Variants in CSTPP1 observed in about 807,000 individuals in gnomAD.
The protein encoded by CSTPP1 is centriolar satellite-associated tubulin polyglutamylase complex regulator 1.
chr11:46,970,413 T>C, the CSTPP1 span, among the ~76,000 whole-genome samples: 1 of 150,416 alleles, frequency 6.6e-6, no homozygotes, highest in Non-Finnish European at 1.5e-5. Flanking sequence ...AATAAATAAA[T>C]AAATAAATAA....
chr11:47,015,316 AT>A, the CSTPP1 span, among the ~76,000 whole-genome samples: 4 of 151,710 alleles, frequency 2.6e-5, no homozygotes, highest in African/African-American at 9.7e-5. Context: ...AAAAAAAAAA[AT>A]ACAAAAATTA....
At chr11:46,997,713 T>C in the CSTPP1 span, among the ~76,000 whole-genome samples, 1 of 152,234 alleles carries the variant, frequency 6.6e-6, no homozygotes, top group Non-Finnish European at 1.5e-5. Context: ...TGGTCTTTGA[T>C]GATGGTGACG....
At chr11:47,063,397 T>G in the CSTPP1 span, among the ~76,000 whole-genome samples, 2 of 152,276 alleles carry the variant, frequency 1.3e-5, no homozygotes, top group Admixed American at 1.3e-4. Context: ...ACATTCACAG[T>G]GTTGTGCAAC....
At chr11:47,146,801 T>C in the CSTPP1 span, among the ~76,000 whole-genome samples, 3 of 152,232 alleles carry the variant, frequency 2.0e-5, no homozygotes, top group Admixed American at 2.0e-4. Context: ...GAATAAAGTG[T>C]GGCATATTCA....
the CSTPP1 span, among the ~76,000 whole-genome samples, chr11:47,016,289 C>T: frequency 2.0e-3 from 305 of 151,578 alleles, no homozygotes; most frequent in African/African-American, 7.2e-3. Flanking sequence ...TCAACATTGT[C>T]CTGGAGGTTC....
the CSTPP1 span, among the ~76,000 whole-genome samples, chr11:47,040,146 G>C: frequency 7.8e-6 from 1 of 128,066 alleles, no homozygotes; most frequent in African/African-American, 2.5e-5. Flanking sequence ...AGTGCCCCCA[G>C]ATGTGATGCA....
At chr11:47,161,314 G>A in the CSTPP1 span, 1 of 1,592,828 alleles carries the variant, frequency 6.3e-7, no homozygotes, top group South Asian at 1.1e-5. Context: ...GAAGGGTCTG[G>A]GGGCCAGTGG....
At chr11:47,119,714 C>G in the CSTPP1 span, among the ~76,000 whole-genome samples, 2 of 143,956 alleles carry the variant, frequency 1.4e-5, no homozygotes, top group East Asian at 4.1e-4. Context: ...CGGGTTCAAG[C>G]AATTCTCCTG....
chr11:47,115,822 T>G, the CSTPP1 span, among the ~76,000 whole-genome samples: 2 of 152,134 alleles, frequency 1.3e-5, no homozygotes, highest in African/African-American at 4.8e-5. Context: ...TCTCTTTCAG[T>G]TCTGCTCTGA....
At chr11:46,972,033 T>C in the CSTPP1 span, among the ~76,000 whole-genome samples, 3 of 152,202 alleles carry the variant, frequency 2.0e-5, no homozygotes. Flanking sequence ...AAGTAAAGTT[T>C]CTTTTATCTT....
At chr11:47,093,262 G>T in the CSTPP1 span, among the ~76,000 whole-genome samples, 1 of 152,198 alleles carries the variant, frequency 6.6e-6, no homozygotes, top group East Asian at 1.9e-4. Flanking sequence ...ATGATAGCAG[G>T]CACTTTAACA....
chr11:47,097,611 G>A, the CSTPP1 span, among the ~76,000 whole-genome samples: 1 of 106,944 alleles, frequency 9.4e-6, no homozygotes, highest in African/African-American at 3.5e-5. Context: ...CCGGCCAGCC[G>A]CCCCGTCCGG....
chr11:46,953,483 G>A, the CSTPP1 span, among the ~76,000 whole-genome samples: 1 of 152,078 alleles, frequency 6.6e-6, no homozygotes, highest in Non-Finnish European at 1.5e-5. Context: ...AGGATCAAAG[G>A]CAGAGGTGCA....
chr11:46,960,009 G>A, the CSTPP1 span, among the ~76,000 whole-genome samples: 1 of 151,958 alleles, frequency 6.6e-6, no homozygotes, highest in Non-Finnish European at 1.5e-5. Context: ...TGGGATTACA[G>A]GCACATGCCA....
At chr11:47,090,700 T>C in the CSTPP1 span, among the ~76,000 whole-genome samples, 1 of 152,196 alleles carries the variant, frequency 6.6e-6, no homozygotes. Flanking sequence ...TATTGAGCCC[T>C]TTTATCCATG....
the CSTPP1 span, among the ~76,000 whole-genome samples, chr11:46,991,212 T>C: frequency 2.6e-5 from 4 of 151,480 alleles, no homozygotes; most frequent in Admixed American, 2.6e-4. Flanking sequence ...TTTTTTTTTT[T>C]TCCTTTCTGT....
At chr11:47,063,161 A>G in the CSTPP1 span, among the ~76,000 whole-genome samples, 1 of 152,216 alleles carries the variant, frequency 6.6e-6, no homozygotes, top group Admixed American at 6.5e-5. Flanking sequence ...TCTCCATGAT[A>G]TCACATAAAA....
the CSTPP1 span, among the ~76,000 whole-genome samples, chr11:47,049,569 G>A: frequency 1.2e-4 from 18 of 151,972 alleles, no homozygotes; most frequent in African/African-American, 4.3e-4. Context: ...TGAGCCTGGA[G>A]GGCAGAGGTT....
the CSTPP1 span, among the ~76,000 whole-genome samples, chr11:47,018,734 A>C: frequency 6.6e-6 from 1 of 152,170 alleles, no homozygotes; most frequent in Non-Finnish European, 1.5e-5. Context: ...AATTTTAACT[A>C]TTCTAATAGG....
Sources: allele counts gnomAD v4.1 joint callset (sites outside exome capture counted in the v4.1 genomes callset), GRCh38; gene constraint gnomAD v4.1.1; transcripts MANE v1.5; gene names NCBI Gene and HGNC (gene_info 2026-07-23, HGNC 2026-07-21).